CACNA1D: variants seen among roughly 807,000 people sequenced by gnomAD.
CACNA1D encodes the protein calcium voltage-gated channel subunit alpha1 D.
In CACNA1D, 55 loss-of-function variants were observed where a neutral mutation model predicts 257.1. That is an observed-to-expected ratio of 0.21 (90% CI 0.17 to 0.27). The LOEUF (loss-of-function observed/expected upper bound fraction) is 0.27, where lower values mean the gene tolerates loss of function less well. Ranked by LOEUF, CACNA1D falls within the 10% of genes least tolerant of loss-of-function variation. CACNA1D has a pLI of 1.00. For synonymous variants in CACNA1D, 980 were observed against 1,014.9 expected (o/e 0.97, Z 0.65); for missense variants, 1,876 against 2,784.0 (o/e 0.67, Z 7.34).
intron 27 of CACNA1D, among the ~76,000 whole-genome samples, chr3:53,750,201 G>A (rs558223688): frequency 6.6e-6 from 1 of 152,324 alleles, no homozygotes; most frequent in East Asian, 1.9e-4. Context: ...ACGTGGTGAG[G>A]AGAGGGAGCC....
chr3:53,694,485 G>C (rs1258733148), intron 8 of CACNA1D, among the ~76,000 whole-genome samples: 2 of 152,190 alleles, frequency 1.3e-5, no homozygotes, highest in African/African-American at 2.4e-5. Context: ...CCCCACGGAA[G>C]GGACGTAGGA....
intron 22 of CACNA1D, among the ~76,000 whole-genome samples, chr3:53,743,735 C>A (rs1014093546): frequency 6.6e-6 from 1 of 152,196 alleles, no homozygotes. Flanking sequence ...AGTAGAGCAT[C>A]AGGTGTGGCC....
Position 53,758,089 on chromosome 3 carries a change from G to T in CACNA1D, c.3787-3909G>T, listed in dbSNP as rs533864897. On this transcript the variant is annotated intron_variant, in intron 29 of 47. Transcript: ENST00000350061. ...AGAAAGGAATAAAGGGATGATCCTG[G>T]AAGTGCAGCCTCTGGGCATGAGACG... is the stretch of plus-strand genomic sequence containing the variant. 2.6e-5 allele frequency among the ~76,000 whole-genome samples: 4 copies of T among 152,312 alleles called. No homozygotes were observed. The South Asian group carries it at 8.3e-4, about 32-fold the overall frequency.
At chr3:53,502,052 CTT>C (rs750904996) in intron 3 of CACNA1D, among the ~76,000 whole-genome samples, 4 of 135,330 alleles carry the variant, frequency 3.0e-5, no homozygotes, top group African/African-American at 5.4e-5. Flanking sequence ...TTTTTCTTTT[CTT>C]TTTTTTTTTT....
chr3:53,528,141 T>C (rs1212086263), intron 3 of CACNA1D, among the ~76,000 whole-genome samples: 1 of 152,242 alleles, frequency 6.6e-6, no homozygotes, highest in African/African-American at 2.4e-5. Flanking sequence ...GTAGAAGCTT[T>C]ATATGATGTT....
chr3:53,610,085 G>C (rs1308154105), intron 3 of CACNA1D, among the ~76,000 whole-genome samples: 2 of 152,150 alleles, frequency 1.3e-5, no homozygotes, highest in Non-Finnish European at 2.9e-5. Flanking sequence ...ATTCCATTAT[G>C]ATCAGGGAAT....
intron 2 of CACNA1D, among the ~76,000 whole-genome samples, chr3:53,501,126 C>T (rs1307640403): frequency 3.9e-5 from 6 of 152,174 alleles, no homozygotes; most frequent in Non-Finnish European, 7.3e-5. Context: ...TGGCCCAGTC[C>T]AGACAGGCGA....
At chr3:53,574,297 A>G (rs531270726) in intron 3 of CACNA1D, among the ~76,000 whole-genome samples, 2 of 152,112 alleles carry the variant, frequency 1.3e-5, no homozygotes, top group Non-Finnish European at 2.9e-5. Context: ...AGCTCATGGG[A>G]TGGTGTGAAA....
In CACNA1D at chr3:53,501,017, C is replaced by T. The variant is rs967276071; in HGVS notation, c.378-598C>T. On this transcript the variant is annotated intron_variant, in intron 2 of 47. Coordinates refer to ENST00000350061, the MANE Select transcript of CACNA1D (RefSeq NM_001128840.3). ...ATTCCTCTAGCAGAGAAAGCAGAGG[C>T]GGGAGCTGAAGCCTGGCTCGCTGCT... 3.3e-5 allele frequency among the ~76,000 whole-genome samples: 5 copies of T among 152,190 alleles called. No individual in the cohort carries two copies. In the East Asian group the frequency reaches 5.8e-4, roughly 18 times the overall value.
At chr3:53,661,469 T>C (rs1279244015) in intron 5 of CACNA1D, among the ~76,000 whole-genome samples, 1 of 152,234 alleles carries the variant, frequency 6.6e-6, no homozygotes, top group African/African-American at 2.4e-5. Context: ...GTGGAATCAA[T>C]TGAGAAAAAC....
At chr3:53,604,527 C>T (rs2093483385) in intron 3 of CACNA1D, among the ~76,000 whole-genome samples, 1 of 151,992 alleles carries the variant, frequency 6.6e-6, no homozygotes, top group Non-Finnish European at 1.5e-5. Flanking sequence ...CCCTGCCCTG[C>T]ACTTCTCCCT....
intron 4 of CACNA1D, among the ~76,000 whole-genome samples, chr3:53,651,788 C>T (rs2094100326): frequency 1.3e-5 from 2 of 152,184 alleles, no homozygotes; most frequent in South Asian, 4.1e-4. Flanking sequence ...TCTCTGTTTT[C>T]ATCTTCATGA....
chr3:53,509,708 G>A (rs948287826), intron 3 of CACNA1D, among the ~76,000 whole-genome samples: 28 of 152,072 alleles, frequency 1.8e-4, no homozygotes, highest in African/African-American at 6.8e-4. Flanking sequence ...AGGAAGAGGT[G>A]GCCTAGGTTA....
chr3:53,568,738 C>G (rs536736470), intron 3 of CACNA1D, among the ~76,000 whole-genome samples: 6 of 152,200 alleles, frequency 3.9e-5, no homozygotes, highest in African/African-American at 1.4e-4. Flanking sequence ...CTTAGATAAC[C>G]CTTTATTGAT....
intron 3 of CACNA1D, among the ~76,000 whole-genome samples, chr3:53,594,345 A>G (rs1199128741): frequency 6.6e-6 from 1 of 152,198 alleles, no homozygotes; most frequent in Non-Finnish European, 1.5e-5. Context: ...TAGAGTCAGG[A>G]TAAGCTCGAT....
rs879029007 is a variant in CACNA1D at position 53,808,593 on chromosome 3, C to T, written c.5750-56C>T. The T allele has an allele frequency of 9.2e-5, 147 of 1,598,750 alleles. 1 individual carries two copies. The highest frequency in any genetic ancestry group is 8.0e-4 in the South Asian group (73 of 91,030). On this transcript the variant is annotated intron_variant, in intron 45 of 47. Coordinates refer to ENST00000350061, the MANE Select transcript of CACNA1D (RefSeq NM_001128840.3). ...CCGGGGCCACCCTGACTCTGAAAGA[C>T]GGTGTCCCGGCAGAGAACTTGCTTC... is the stretch of plus-strand genomic sequence containing the variant.
At chr3:53,716,485 G>C (rs1172849866) in intron 9 of CACNA1D, among the ~76,000 whole-genome samples, 1 of 152,098 alleles carries the variant, frequency 6.6e-6, no homozygotes, top group Non-Finnish European at 1.5e-5. Flanking sequence ...GAGGAGAATT[G>C]CATGAGTAGC....
chr3:53,731,223 T>TTCCACA, intron 17 of CACNA1D, 77 bp downstream of exon 17: 6 of 915,674 alleles, frequency 6.6e-6, no homozygotes, highest in Non-Finnish European at 9.1e-6. Context: ...CCATTTACAC[T>TTCCACA]GTGGAAGTGT....
chr3:53,520,899 C>CTTT (rs796398731), intron 3 of CACNA1D, among the ~76,000 whole-genome samples: 1 of 98,118 alleles, frequency 1.0e-5, no homozygotes, highest in Non-Finnish European at 2.1e-5. Context: ...TCTTTCTTTT[C>CTTT]TTTTCTTTTC....
Sources: allele counts gnomAD v4.1 joint callset (sites outside exome capture counted in the v4.1 genomes callset), GRCh38; gene constraint gnomAD v4.1.1; transcripts MANE v1.5; gene names NCBI Gene and HGNC (gene_info 2026-07-23, HGNC 2026-07-21).